Variants in PNLIPRP3 observed in about 807,000 individuals in gnomAD.
The protein encoded by PNLIPRP3 is pancreatic lipase-related protein 3.
PNLIPRP3 carries 58 observed loss-of-function variants against 52.8 expected under a neutral mutation model. The ratio of observed to expected loss-of-function variants is 1.10; its 90% confidence interval spans 0.89 to 1.37. The LOEUF is 1.37. Ranked by LOEUF, PNLIPRP3 falls within the 40% of genes most tolerant of loss-of-function variation. The pLI is 0.00. For synonymous variants in PNLIPRP3, 192 were observed against 185.0 expected (o/e 1.04, Z -0.31); for missense variants, 593 against 561.6 (o/e 1.06, Z -0.57).
intron 1 of PNLIPRP3, among the ~76,000 whole-genome samples, chr10:116,433,821 C>T (rs963672287): frequency 6.6e-6 from 1 of 150,844 alleles, no homozygotes; most frequent in Non-Finnish European, 1.5e-5. Flanking sequence ...CTAGGCCCAA[C>T]CTAAAACCAC....
intron 1 of PNLIPRP3, among the ~76,000 whole-genome samples, chr10:116,434,577 C>T (rs79691373): frequency 0.13 from 19,275 of 152,126 alleles, 1,494 homozygotes; most frequent in Admixed American, 0.25. Flanking sequence ...TCTCTGTGAG[C>T]ATTTTCTTAT....
intron 4 of PNLIPRP3, among the ~76,000 whole-genome samples, chr10:116,452,017 AATG>A (rs1380582051): frequency 6.6e-6 from 1 of 152,184 alleles, no homozygotes; most frequent in Non-Finnish European, 1.5e-5. Flanking sequence ...TTGTGACCAA[AATG>A]ATGATAGAGA....
intron 1 of PNLIPRP3, 118 bp downstream of exon 1, chr10:116,428,179 GTTTA>G: frequency 1.4e-6 from 1 of 718,444 alleles, no homozygotes; most frequent in Admixed American, 2.8e-5. Context: ...TTCTTAAGTA[GTTTA>G]TTGTTTTTAT....
In PNLIPRP3 at chr10:116,457,788, G is replaced by T. The variant is rs145997457; in HGVS notation, c.565+1958G>T. Reference sequence around the variant, plus strand: ...TACTGGGTTATGATCAATTCAAAGAGATTTTGTTTTTATTAAGTTTTTTCA... The same window carrying T: ...TACTGGGTTATGATCAATTCAAAGATATTTTGTTTTTATTAAGTTTTTTCA... On this transcript the variant is annotated intron_variant, in intron 5 of 11. Coordinates refer to ENST00000369230, the MANE Select transcript of PNLIPRP3 (RefSeq NM_001011709.3). Among the ~76,000 whole-genome samples the T allele has an allele frequency of 5.6e-3, 857 of 152,280 alleles. 6 individuals carry two copies. The highest frequency in any genetic ancestry group is 0.017 in the African/African-American group (702 of 41,550).
rs143355878 is a variant in PNLIPRP3 at position 116,467,198 on chromosome 10, C to T, written c.927+1030C>T. 3.2e-3 allele frequency among the ~76,000 whole-genome samples: 488 copies of T among 152,286 alleles called. 2 individuals are homozygous for T. The highest frequency in any genetic ancestry group is 4.6e-3 in the Non-Finnish European group (314 of 68,028). ...TATTAGAATGAATCAATTTCCTTGA[C>T]GTACTTTATTGTACTGTACCCTAAT... On this transcript the variant is annotated intron_variant, in intron 8 of 11. Transcript: ENST00000369230.
At chr10:116,434,403 A>G (rs372174806) in intron 1 of PNLIPRP3, among the ~76,000 whole-genome samples, 1 of 152,124 alleles carries the variant, frequency 6.6e-6, no homozygotes, top group Non-Finnish European at 1.5e-5. Flanking sequence ...TATATCCTTT[A>G]TTATTGGCCA....
rs1846279617 is a variant in PNLIPRP3, at chr10:116,466,118, C to T, written c.877C>T (p.Pro293Ser). 6.2e-7 allele frequency: 1 copy of T among 1,613,630 alleles called. No homozygotes were observed. The highest frequency in any genetic ancestry group is 8.5e-7 in the Non-Finnish European group (1 of 1,179,770). The change falls in exon 8 of 12, where the codon CCT becomes TCT. Residue 293 changes from proline (P) to serine (S), a missense_variant. Physicochemically the swap from Pro to Ser is moderately conservative, Grantham distance 74. Transcript: ENST00000369230. ...YQFYAESILN[P>S]DAFIAYPCRS... ...ATTTTATGCTGAAAGCATTCTTAAT[C>T]CTGATGCATTTATTGCTTATCCTTG... is the stretch of plus-strand genomic sequence containing the variant.
At position 116,455,844 on chromosome 10, in the gene PNLIPRP3, G is replaced by A; in HGVS notation, c.565+14G>A. 2 of 1,584,614 alleles carry A rather than the reference G, an allele frequency of 1.3e-6. No homozygotes were observed. The highest frequency in any genetic ancestry group is 2.2e-5 in the East Asian group (1 of 44,744). ...GAAGAATAACTGGTAAGCATGCCCT[G>A]CAGTTGGGCCTTGAGTGTGTTTAAA... On this transcript the variant is annotated intron_variant, in intron 5 of 11. Transcript: ENST00000369230.
chr10:116,458,959 A>G (rs1744008807), intron 5 of PNLIPRP3, among the ~76,000 whole-genome samples: 1 of 152,012 alleles, frequency 6.6e-6, no homozygotes, highest in Non-Finnish European at 1.5e-5. Flanking sequence ...CCCCAAAACC[A>G]CTATTGCCAG....
chr10:116,436,589 A>C, intron 1 of PNLIPRP3, 122 bp from the exon 2 acceptor site: 1 of 1,016,736 alleles, frequency 9.8e-7, no homozygotes, highest in East Asian at 2.5e-5. Flanking sequence ...AAATATTTTC[A>C]AGCCATAAAT....
At chr10:116,430,400 C>G (rs547394385) in intron 1 of PNLIPRP3, among the ~76,000 whole-genome samples, 4 of 152,228 alleles carry the variant, frequency 2.6e-5, no homozygotes, top group Admixed American at 6.5e-5. Context: ...GCTTTAAGAT[C>G]TGCTTTAATT....
chr10:116,469,429 T>C, intron 9 of PNLIPRP3, 112 bp downstream of exon 9: 1 of 1,124,596 alleles, frequency 8.9e-7, no homozygotes, highest in Non-Finnish European at 1.2e-6. Context: ...CAGACTGGGA[T>C]TTCAGTGAAG....
chr10:116,476,723 G>C lies in PNLIPRP3; in HGVS notation c.1244G>C (p.Ser415Thr). ...DADVNVGNIT[S>T]VQFIWKKHLF... ...GATGTTAACGTTGGAAACATTACAAGTGTTCAGTTCATCTGGAAAAAACAT... is the reference window on the plus strand; with the variant it reads ...GATGTTAACGTTGGAAACATTACAACTGTTCAGTTCATCTGGAAAAAACAT... Residue 415 changes from serine (S) to threonine (T), a missense_variant, in exon 11 of 12, where the codon AGT becomes ACT. Ser to Thr is a moderately conservative substitution (Grantham distance 58). Coordinates refer to ENST00000369230, the MANE Select transcript of PNLIPRP3 (RefSeq NM_001011709.3). 2 of 1,609,346 alleles carry C rather than the reference G, an allele frequency of 1.2e-6. No homozygotes were observed. Among genetic ancestry groups the C allele is most frequent in the East Asian group, 2.2e-5 (1 of 44,706 alleles).
At chr10:116,462,626 AT>A (rs1365453419) in intron 7 of PNLIPRP3, among the ~76,000 whole-genome samples, 2 of 152,172 alleles carry the variant, frequency 1.3e-5, no homozygotes, top group Non-Finnish European at 2.9e-5. Context: ...ACAAATAAGA[AT>A]TAAGGCCAAT....
intron 4 of PNLIPRP3, among the ~76,000 whole-genome samples, chr10:116,453,958 G>A (rs1240962247): frequency 3.3e-5 from 5 of 151,674 alleles, no homozygotes; most frequent in South Asian, 2.1e-4. Context: ...CCAACAGGCC[G>A]CACGATGTGT....
At chr10:116,471,595 G>A (rs41300225) in intron 9 of PNLIPRP3, among the ~76,000 whole-genome samples, 173 bp from the exon 10 acceptor site, 2,902 of 152,096 alleles carry the variant, frequency 0.019, 44 homozygotes, top group Middle Eastern at 0.055. Context: ...ATTTTTAAAC[G>A]TAGTTTTTCA....
chr10:116,429,427 A>T (rs549793415), intron 1 of PNLIPRP3, among the ~76,000 whole-genome samples: 7 of 152,320 alleles, frequency 4.6e-5, no homozygotes, highest in South Asian at 2.1e-4. Flanking sequence ...GGGACATATT[A>T]GTAGTGAGCA....
intron 4 of PNLIPRP3, among the ~76,000 whole-genome samples, chr10:116,447,784 A>C (rs945976542): frequency 6.6e-6 from 1 of 152,098 alleles, no homozygotes; most frequent in Non-Finnish European, 1.5e-5. Context: ...AAAAATACAA[A>C]AAAGTAGCTG....
chr10:116,456,052 T>A (rs1846108954), intron 5 of PNLIPRP3, among the ~76,000 whole-genome samples: 1 of 152,180 alleles, frequency 6.6e-6, no homozygotes, highest in Non-Finnish European at 1.5e-5. Flanking sequence ...TAAGAGAAAC[T>A]ATGTGTTCCC....
Sources: allele counts gnomAD v4.1 joint callset (sites outside exome capture counted in the v4.1 genomes callset), GRCh38; gene constraint gnomAD v4.1.1; transcripts MANE v1.5; gene names NCBI Gene and HGNC (gene_info 2026-07-23, HGNC 2026-07-21).